The following TRAPPC9 variants were observed in gnomAD, a reference collection of about 807,000 sequenced individuals.
TRAPPC9 encodes the protein IKK2 binding protein.
Under a neutral mutation model 124.0 loss-of-function variants are expected in TRAPPC9, and 83 were observed. The ratio of observed to expected loss-of-function variants is 0.67; its 90% CI spans 0.56 to 0.80. The LOEUF is 0.80. Among genes scored for constraint, TRAPPC9 ranks in the 30% least tolerant of loss-of-function variants. TRAPPC9 has a pLI of 0.00. For missense variants in TRAPPC9, 1,302 were observed against 1,508.3 expected (o/e 0.86, Z 2.27); for synonymous variants, 638 against 617.5 (o/e 1.03, Z -0.49).
At chr8:139,913,510 C>T (rs537833449) in intron 19 of TRAPPC9, among the ~76,000 whole-genome samples, 2 of 152,318 alleles carry the variant, frequency 1.3e-5, no homozygotes, top group African/African-American at 4.8e-5. Context: ...GGCAGGACAC[C>T]TAAAGAGAGA....
chr8:140,017,825 T>C (rs1207596197), intron 18 of TRAPPC9, among the ~76,000 whole-genome samples: 1 of 152,188 alleles, frequency 6.6e-6, no homozygotes, highest in East Asian at 1.9e-4. Flanking sequence ...GAAAAACTAA[T>C]TCTTCCAATC....
At chr8:140,101,796 G>A (rs1156229929) in intron 17 of TRAPPC9, among the ~76,000 whole-genome samples, 1 of 151,576 alleles carries the variant, frequency 6.6e-6, no homozygotes, top group Non-Finnish European at 1.5e-5. Context: ...ACCCACCTCG[G>A]CCTCCCAAGC....
chr8:140,041,957 C>A (rs866378193), intron 17 of TRAPPC9, among the ~76,000 whole-genome samples: 16 of 148,860 alleles, frequency 1.1e-4, no homozygotes, highest in South Asian at 8.5e-4. Context: ...GGCAACAGAG[C>A]AAGATTGTCT....
chr8:140,080,000 C>T (rs779315953), intron 17 of TRAPPC9, among the ~76,000 whole-genome samples: 1 of 151,988 alleles, frequency 6.6e-6, no homozygotes, highest in Non-Finnish European at 1.5e-5. Flanking sequence ...AAGAAGAAGG[C>T]GATGGCATCA....
chr8:140,241,562 G>A lies in TRAPPC9; in HGVS notation c.2431+11215C>T, dbSNP rs752812096. Among the ~76,000 whole-genome samples the A allele has an allele frequency of 6.6e-6, 1 of 152,190 alleles. No homozygotes were observed. Among genetic ancestry groups the A allele is most frequent in the Non-Finnish European group, 1.5e-5 (1 of 68,038 alleles). ...ATACAAAAATTAGCTGGGCATGGTG[G>A]TGTGCGCCTGTAGTCCCAGCTATTC... On this transcript the variant is annotated intron_variant, in intron 16 of 22. Transcript: ENST00000438773. This position sits in a 1 kb window ranked among gnomAD's most constrained non-coding sequence, Gnocchi z 5.0.
At chr8:139,936,428 G>A (rs1034836413) in intron 19 of TRAPPC9, among the ~76,000 whole-genome samples, 18 of 152,362 alleles carry the variant, frequency 1.2e-4, no homozygotes, top group African/African-American at 4.3e-4. Flanking sequence ...GGTGAGTGGG[G>A]AGGTCGACAC....
At chr8:139,922,318 G>A (rs1012794966) in intron 19 of TRAPPC9, among the ~76,000 whole-genome samples, 45 of 152,028 alleles carry the variant, frequency 3.0e-4, no homozygotes, top group Non-Finnish European at 3.4e-4. Flanking sequence ...TGAGTAGCTG[G>A]GACTACAGGC....
At chr8:140,039,229 C>A (rs1299067223) in intron 17 of TRAPPC9, among the ~76,000 whole-genome samples, 21 of 152,226 alleles carry the variant, frequency 1.4e-4, no homozygotes, top group Admixed American at 1.4e-3. Flanking sequence ...GCCCTATTAA[C>A]CAGGACTATA....
At chr8:139,836,814 A>T (rs1826388385) in intron 21 of TRAPPC9, among the ~76,000 whole-genome samples, 1 of 152,062 alleles carries the variant, frequency 6.6e-6, no homozygotes, top group African/African-American at 2.4e-5. Flanking sequence ...AAAAAATAGG[A>T]TCTTTATAAA....
intron 19 of TRAPPC9, among the ~76,000 whole-genome samples, chr8:139,938,911 C>T (rs191972009): frequency 1.0e-3 from 156 of 152,346 alleles, no homozygotes; most frequent in African/African-American, 3.6e-3. Context: ...TCCCAAAGTG[C>T]TGGGATTACA....
chr8:140,084,335 T>C lies in TRAPPC9; in HGVS notation c.2557-60256A>G, dbSNP rs1329983823. Among the ~76,000 whole-genome samples the C allele has an allele frequency of 2.6e-5, 4 of 152,076 alleles. No individual in the cohort carries two copies. In the East Asian group the frequency reaches 5.8e-4, roughly 22 times the overall value. ...TCCTAAATAGATAGGGTAATAAAAATATTATTAGTCTCCTCACTTTCACTT... is the reference window on the plus strand; with the variant it reads ...TCCTAAATAGATAGGGTAATAAAAACATTATTAGTCTCCTCACTTTCACTT... On this transcript the variant is annotated intron_variant, in intron 17 of 22. Coordinates refer to ENST00000438773, the MANE Select transcript of TRAPPC9 (RefSeq NM_001160372.4).
At chr8:140,222,853 C>T (rs577279608) in intron 16 of TRAPPC9, among the ~76,000 whole-genome samples, 1 of 152,130 alleles carries the variant, frequency 6.6e-6, no homozygotes, top group African/African-American at 2.4e-5. Flanking sequence ...GAACAAACCA[C>T]CAGAGGCAAC....
In TRAPPC9 at chr8:140,353,755, T is replaced by C. The variant is rs1275974536; in HGVS notation, c.1495+6295A>G. 6.6e-6 allele frequency among the ~76,000 whole-genome samples: 1 copy of C among 152,206 alleles called. No homozygotes were observed. The highest frequency in any genetic ancestry group is 1.5e-5 in the Non-Finnish European group (1 of 68,034). On this transcript the variant is annotated intron_variant, in intron 9 of 22. Coordinates refer to ENST00000438773, the MANE Select transcript of TRAPPC9 (RefSeq NM_001160372.4). This position sits in a 1 kb window ranked among gnomAD's most constrained non-coding sequence, Gnocchi z 4.2. ...CCAGTTAGAAGAAATATCCATTTGG[T>C]AGCATAGTAGAAGGTGGGTTTAAAG... is the stretch of plus-strand genomic sequence containing the variant.
intron 7 of TRAPPC9, among the ~76,000 whole-genome samples, chr8:140,394,979 G>A: frequency 6.6e-6 from 1 of 152,302 alleles, no homozygotes; most frequent in East Asian, 1.9e-4. Flanking sequence ...CATGTCAAAT[G>A]AGAAGTATGA....
chr8:139,909,768 C>G (rs1831590652), intron 20 of TRAPPC9, among the ~76,000 whole-genome samples: 1 of 152,226 alleles, frequency 6.6e-6, no homozygotes, highest in Admixed American at 6.5e-5. Flanking sequence ...AATCCGATTT[C>G]AGTTTCTCAG....
At chr8:139,818,295 G>T (rs1017320285) in intron 21 of TRAPPC9, among the ~76,000 whole-genome samples, 42 of 152,202 alleles carry the variant, frequency 2.8e-4, no homozygotes, top group African/African-American at 9.4e-4. Flanking sequence ...AAAAAGACAG[G>T]CCTGGCATGG....
chr8:140,243,715 G>A (rs2063915805), intron 16 of TRAPPC9, among the ~76,000 whole-genome samples: 1 of 152,148 alleles, frequency 6.6e-6, no homozygotes, highest in African/African-American at 2.4e-5. Flanking sequence ...TACATGAACT[G>A]CTATCATATC....
chr8:140,138,787 G>A (rs1244756664), intron 17 of TRAPPC9, among the ~76,000 whole-genome samples: 1 of 152,176 alleles, frequency 6.6e-6, no homozygotes, highest in African/African-American at 2.4e-5. Context: ...AAACAGGTTG[G>A]TGCCGGTATT....
At chr8:140,187,230 C>G (rs185434206) in intron 17 of TRAPPC9, among the ~76,000 whole-genome samples, 1 of 152,262 alleles carries the variant, frequency 6.6e-6, no homozygotes, top group Admixed American at 6.5e-5. Context: ...AGAGGGCTGA[C>G]TTGTCATATA....
Sources: gnomAD v4.1 joint callset for allele counts (sites outside exome capture counted in the v4.1 genomes callset) on GRCh38, gnomAD v4.1.1 for gene constraint, Gnocchi (gnomAD v3.1) non-coding constraint, MANE v1.5 for transcripts, NCBI Gene and HGNC (gene_info 2026-07-23, HGNC 2026-07-21) for gene names.